Variants in TOM1 observed in about 807,000 individuals in gnomAD.
TOM1 encodes the protein target of Myb protein 1.
In TOM1, 38 loss-of-function variants were observed where a neutral mutation model predicts 61.3. That is an observed-to-expected ratio of 0.62 (90% CI 0.48 to 0.81). The LOEUF (loss-of-function observed/expected upper bound fraction) is 0.81, where lower values mean the gene tolerates loss of function less well. Among genes scored for constraint, TOM1 ranks in the 40% least tolerant of loss-of-function variants. The pLI is 0.00. For missense variants in TOM1, 591 were observed against 659.6 expected (o/e 0.90, Z 1.14); for synonymous variants, 270 against 268.8 (o/e 1.00, Z -0.04).
At chr22:35,308,896 T>TA (rs976344186) in intron 1 of TOM1, among the ~76,000 whole-genome samples, 8 of 151,954 alleles carry the variant, frequency 5.3e-5, no homozygotes, top group African/African-American at 9.7e-5. Flanking sequence ...GGTTTATGGT[T>TA]AAAAAAAATA....
chr22:35,308,770 T>A (rs1926567057), intron 1 of TOM1, among the ~76,000 whole-genome samples: 1 of 152,248 alleles, frequency 6.6e-6, no homozygotes, highest in Admixed American at 6.5e-5. Context: ...TTAGAAAACC[T>A]TTCTTTATCT....
In TOM1 at chr22:35,337,309, CA is replaced by C. The variant is rs532011101; in HGVS notation, c.1149-1402del. ...GGCATGGCTTCTTCAGCCTTGCCCA[CA>C]ATGCGCCAAGCATGTCTTAGAGACA... On this transcript the variant is annotated intron_variant, in intron 11 of 14. Transcript: ENST00000449058. Among the ~76,000 whole-genome samples the C allele has an allele frequency of 2.6e-3, 403 of 152,330 alleles. 1 individual carries two copies. The highest frequency in any genetic ancestry group is 4.5e-3 in the Non-Finnish European group (306 of 68,032).
chr22:35,341,174 C>T (rs904839828), intron 12 of TOM1, among the ~76,000 whole-genome samples: 1 of 152,186 alleles, frequency 6.6e-6, no homozygotes, highest in Non-Finnish European at 1.5e-5. Context: ...TCACAGAAAC[C>T]CTTAGGGTAT....
At chr22:35,305,774 G>C (rs1926277390) in intron 1 of TOM1, among the ~76,000 whole-genome samples, 1 of 152,162 alleles carries the variant, frequency 6.6e-6, no homozygotes, top group Admixed American at 6.5e-5. Context: ...AGTATAAATA[G>C]CTATCCCCAG....
At chr22:35,322,769 C>T (rs1316283017) in intron 3 of TOM1, among the ~76,000 whole-genome samples, 3 of 152,168 alleles carry the variant, frequency 2.0e-5, no homozygotes, top group Non-Finnish European at 4.4e-5. Context: ...TGGGATTCTG[C>T]GTGCACTGAC....
intron 12 of TOM1, among the ~76,000 whole-genome samples, chr22:35,342,100 C>T (rs1929923299): frequency 6.6e-6 from 1 of 152,060 alleles, no homozygotes; most frequent in South Asian, 2.1e-4. Context: ...ATGACTGTAC[C>T]ACTGCACTCC....
In TOM1 at chr22:35,323,517, A is replaced by G. The variant is rs1928030917; in HGVS notation, c.388A>G (p.Ser130Gly). The change falls in exon 5 of 15, where the codon AGC (serine) becomes GGC (glycine). Residue 130 changes from serine (S) to glycine (G), a missense_variant. By Grantham distance (56) the Ser-to-Gly change is moderately conservative. Coordinates refer to ENST00000449058, the MANE Select transcript of TOM1 (RefSeq NM_005488.3). The surrounding 1 kb of genome is among the most constrained non-coding windows in gnomAD (Gnocchi z 4.2). The stretch of plus-strand genomic sequence containing the variant: ...TCAGTCCTGGGCTGACGCGTTCCGC[A>G]GCTCGCCCGATCTGACAGGTGTGGT... ...LIQSWADAFR[S>G]SPDLTGVVTI... The G allele has an allele frequency of 1.9e-6, 3 of 1,614,030 alleles. No individual in the cohort carries two copies. The highest frequency in any genetic ancestry group is 2.5e-6 in the Non-Finnish European group (3 of 1,180,016).
chr22:35,323,670 C>G lies in TOM1; in HGVS notation c.501+40C>G, dbSNP rs200049879. On this transcript the variant is annotated intron_variant, in intron 5 of 14. Coordinates refer to ENST00000449058, the MANE Select transcript of TOM1 (RefSeq NM_005488.3). The surrounding 1 kb of genome is among the most constrained non-coding windows in gnomAD (Gnocchi z 4.2). ...GTACCGGGAACCAAGGGAAGGGAGGCAGGACTCATCCCCAGAGACATCACC... is the reference window on the plus strand; with the variant it reads ...GTACCGGGAACCAAGGGAAGGGAGGGAGGACTCATCCCCAGAGACATCACC... 5.2e-5 allele frequency: 84 copies of G among 1,613,508 alleles called. 1 individual carries two copies. The East Asian group carries it at 1.7e-3, about 33-fold the overall frequency.
At chr22:35,312,202 C>G (rs1926893391) in intron 1 of TOM1, among the ~76,000 whole-genome samples, 3 of 151,482 alleles carry the variant, frequency 2.0e-5, no homozygotes, top group Non-Finnish European at 4.4e-5. Flanking sequence ...CGAGATCGCA[C>G]CACTGTACTC....
intron 6 of TOM1, among the ~76,000 whole-genome samples, chr22:35,326,455 G>A (rs1928311570): frequency 1.3e-5 from 2 of 152,162 alleles, no homozygotes; most frequent in Admixed American, 6.5e-5. Context: ...CCAACTCCTT[G>A]GAACCCTTTG....
intron 9 of TOM1, 113 bp from the exon 10 acceptor site, chr22:35,333,291 C>G: frequency 9.9e-7 from 1 of 1,010,704 alleles, no homozygotes; most frequent in Non-Finnish European, 1.5e-6. Context: ...GTCCTAGCTC[C>G]TGGGGCCCTG....
rs1465475941 is a variant in TOM1 at position 35,345,766 on chromosome 22, G to A, written c.1266G>A (p.Gln422=). ...TQACLMEDIE[Q]WLSTDVGNDA... The stretch of plus-strand genomic sequence containing the variant: ...CCTGCCTCATGGAGGACATCGAGCA[G>A]TGGCTGTCCACTGACGTGGTATGTT... The change falls in exon 13 of 15, where the codon CAG becomes CAA. Residue 422 remains glutamine (Q), a synonymous_variant. Coordinates refer to ENST00000449058, the MANE Select transcript of TOM1 (RefSeq NM_005488.3). 1 of 1,614,026 alleles carries A rather than the reference G, an allele frequency of 6.2e-7. No individual in the cohort carries two copies. Among genetic ancestry groups the A allele is most frequent in the African/African-American group, 1.3e-5 (1 of 74,942 alleles).
intron 1 of TOM1, among the ~76,000 whole-genome samples, chr22:35,307,480 A>G (rs1288796904): frequency 6.6e-6 from 1 of 152,228 alleles, no homozygotes; most frequent in African/African-American, 2.4e-5. Context: ...AAATGGGGTC[A>G]CAGCTTAGTC....
upstream of TOM1, chr22:35,299,749 C>A: frequency 4.4e-6 from 3 of 674,408 alleles, no homozygotes; most frequent in Non-Finnish European, 7.4e-6. Flanking sequence ...GAGGTCATCG[C>A]CCTCCGCCTC....
chr22:35,324,188 C>G (rs1928106886), intron 6 of TOM1, among the ~76,000 whole-genome samples: 1 of 152,186 alleles, frequency 6.6e-6, no homozygotes, highest in South Asian at 2.1e-4. Flanking sequence ...ATTTTCCAAC[C>G]TGTGTTTTCT....
chr22:35,325,087 G>T (rs1260111985), intron 6 of TOM1, among the ~76,000 whole-genome samples: 1 of 152,214 alleles, frequency 6.6e-6, no homozygotes, highest in African/African-American at 2.4e-5. Flanking sequence ...CTAGACTTTT[G>T]GCTGCTGGGG....
At chr22:35,340,648 G>A (rs1029155887) in intron 12 of TOM1, among the ~76,000 whole-genome samples, 1 of 152,160 alleles carries the variant, frequency 6.6e-6, no homozygotes, top group African/African-American at 2.4e-5. Flanking sequence ...TCAGGAGGCT[G>A]AGGTGGGAGG....
intron 8 of TOM1, 128 bp downstream of exon 8, chr22:35,330,608 C>T (rs986745073): frequency 3.4e-5 from 33 of 965,554 alleles, no homozygotes; most frequent in Non-Finnish European, 4.7e-5. Context: ...AAGGCAGGCT[C>T]CTAAGGGCCT....
chr22:35,347,305 G>T lies in TOM1; in HGVS notation c.*96G>T, dbSNP rs1327016017. On this transcript the variant is annotated 3_prime_UTR_variant, in exon 15 of 15. Coordinates refer to ENST00000449058, the MANE Select transcript of TOM1 (RefSeq NM_005488.3). ...TCCTCTGGTGTTAAGGCTGCTTTGG[G>T]GGTGGCTTGTTACCCCCTTTTCCTC... 2 of 1,377,706 alleles carry T rather than the reference G, an allele frequency of 1.5e-6. No individual in the cohort carries two copies. The highest frequency in any genetic ancestry group is 1.9e-6 in the Non-Finnish European group (2 of 1,026,550). 85.3% of individuals were successfully genotyped at this position (1,377,706 alleles called of 1,614,324 possible). A position where few individuals can be genotyped will look rare whatever the true frequency, so the allele number is the denominator to read the frequency against.
Sources: allele counts gnomAD v4.1 joint callset (sites outside exome capture counted in the v4.1 genomes callset), GRCh38; gene constraint gnomAD v4.1.1; non-coding constraint Gnocchi (gnomAD v3.1); transcripts MANE v1.5; gene names NCBI Gene and HGNC (gene_info 2026-07-23, HGNC 2026-07-21).